FNBP4: variants seen among roughly 807,000 people sequenced by gnomAD.
FNBP4 encodes the protein formin-binding protein 4.
In FNBP4, 34 loss-of-function variants were observed where a neutral mutation model predicts 119.3. The ratio of observed to expected loss-of-function variants is 0.28; its 90% CI spans 0.22 to 0.38. The LOEUF (loss-of-function observed/expected upper bound fraction) is 0.38. Ranked by LOEUF, FNBP4 falls within the 10% of genes least tolerant of loss-of-function variation. The pLI is 1.00. For missense variants in FNBP4, 1,112 were observed against 1,228.9 expected (o/e 0.90, Z 1.42); for synonymous variants, 462 against 430.6 (o/e 1.07, Z -0.90).
intron 11 of FNBP4, chr11:47,731,889 C>G: frequency 9.7e-7 from 1 of 1,030,102 alleles, no homozygotes; most frequent in Non-Finnish European, 1.2e-6. Flanking sequence ...GACTCAATCG[C>G]CTAGAACACT....
intron 12 of FNBP4, chr11:47,729,733 C>G: frequency 4.1e-6 from 4 of 985,382 alleles, no homozygotes; most frequent in Non-Finnish European, 3.6e-6. Flanking sequence ...TTTGTTTTTT[C>G]TCTTCTTTAA....
At chr11:47,754,499 C>G (rs1207270815) in intron 3 of FNBP4, 29 bp downstream of exon 3, 1 of 1,608,078 alleles carries the variant, frequency 6.2e-7, no homozygotes, top group Admixed American at 1.7e-5. Flanking sequence ...GCTTCAGTAA[C>G]TAAAACTCCA....
In FNBP4 at chr11:47,717,228, C is replaced by T; in HGVS notation, c.*194G>A. 1 of 528,724 alleles carries T rather than the reference C, an allele frequency of 1.9e-6. No homozygotes were observed. The highest frequency in any genetic ancestry group is 2.7e-5 in the South Asian group (1 of 37,416). 32.8% of individuals were successfully genotyped at this position (528,724 alleles called of 1,614,324 possible). On this transcript the variant is annotated 3_prime_UTR_variant, in exon 17 of 17. Coordinates refer to ENST00000263773, the MANE Select transcript of FNBP4 (RefSeq NM_015308.5). ...GCAGCATGGTCAAAGCAATTCCAAT[C>T]ACCTCATCCCTTTGCAAAAACAGAA...
At chr11:47,766,100 T>C (rs1039880754) in intron 1 of FNBP4, among the ~76,000 whole-genome samples, 1 of 152,056 alleles carries the variant, frequency 6.6e-6, no homozygotes, top group African/African-American at 2.4e-5. Context: ...TAATGATCGC[T>C]TGAGCCCTGG....
chr11:47,743,970 G>A lies in FNBP4; in HGVS notation c.1439C>T (p.Pro480Leu). ...CAAATTACCAGTTTCTCCATTTTCT[G>A]GAGTATCTCGTCCAGTTTTACTAGA... is the stretch of plus-strand genomic sequence containing the variant. ...RSSSKTGRDT[P>L]ENGETAIGAE... Residue 480 changes from proline (P) to leucine (L), a missense_variant, in exon 8 of 17, where the codon CCA (proline) becomes CTA (leucine). Pro to Leu is a moderately conservative substitution (Grantham distance 98). Coordinates refer to ENST00000263773, the MANE Select transcript of FNBP4 (RefSeq NM_015308.5). The A allele has an allele frequency of 6.2e-7, 1 of 1,614,018 alleles. No individual in the cohort carries two copies. Among genetic ancestry groups the A allele is most frequent in the South Asian group, 1.1e-5 (1 of 91,072 alleles).
chr11:47,756,382 A>G (rs2097618249), intron 2 of FNBP4, among the ~76,000 whole-genome samples: 2 of 152,198 alleles, frequency 1.3e-5, no homozygotes, highest in African/African-American at 4.8e-5. Flanking sequence ...AGATTTATCG[A>G]AAGTTAAATC....
In FNBP4 at chr11:47,744,942, T is replaced by TGAATGGAAG. The variant is rs1565147394; in HGVS notation, c.1246-780_1246-779insCTTCCATTC. ...AGGGATCCTGAATGGAAGGACCAGC[T>TGAATGGAAG]GAAGCCATGGCAGAGGAACATAAAT... On this transcript the variant is annotated intron_variant, in intron 7 of 16. Coordinates refer to ENST00000263773, the MANE Select transcript of FNBP4 (RefSeq NM_015308.5). Among the ~76,000 whole-genome samples, 13 of 152,238 alleles carry TGAATGGAAG rather than the reference T, an allele frequency of 8.5e-5. 1 individual carries two copies. In the South Asian group the frequency reaches 2.7e-3, roughly 31 times the overall value.
chr11:47,754,753 T>A (rs1299920096), intron 2 of FNBP4, 89 bp from the exon 3 acceptor site: 7 of 1,424,428 alleles, frequency 4.9e-6, no homozygotes, highest in African/African-American at 1.4e-5. Context: ...ATGTTTTTTT[T>A]AAACTTACTT....
chr11:47,765,228 A>C (rs934556059), intron 2 of FNBP4, 42 bp downstream of exon 2: 13 of 1,346,466 alleles, frequency 9.7e-6, no homozygotes, highest in Non-Finnish European at 1.4e-5. Context: ...CTTTAATGAA[A>C]GACGTGGGAG....
chr11:47,722,568 A>C (rs1565119856), intron 15 of FNBP4, among the ~76,000 whole-genome samples: 1 of 151,818 alleles, frequency 6.6e-6, no homozygotes, highest in African/African-American at 2.4e-5. Context: ...CCCCCCACTG[A>C]GAAAGTAAGC....
At chr11:47,747,336 C>G (rs2097592522) in intron 6 of FNBP4, among the ~76,000 whole-genome samples, 3 of 152,184 alleles carry the variant, frequency 2.0e-5, no homozygotes, top group African/African-American at 7.2e-5. Flanking sequence ...TCCTGAGCAG[C>G]TGGGATTATA....
At chr11:47,743,609 A>G (rs1268747178) in intron 8 of FNBP4, among the ~76,000 whole-genome samples, 1 of 152,182 alleles carries the variant, frequency 6.6e-6, no homozygotes, top group African/African-American at 2.4e-5. Context: ...TGAATGAATG[A>G]TAAGGTCCTT....
rs545942510 is a variant in FNBP4 at position 47,732,163 on chromosome 11, C to G, written c.1820+374G>C. On this transcript the variant is annotated intron_variant, in intron 11 of 16. Coordinates refer to ENST00000263773, the MANE Select transcript of FNBP4 (RefSeq NM_015308.5). This position sits in a 1 kb window ranked among gnomAD's most constrained non-coding sequence, Gnocchi z 4.2. The stretch of plus-strand genomic sequence containing the variant: ...CTTGTTCTTCATTCACATCTTCAGC[C>G]ACGAAGTTTTCCTTAACTTCACCGA... 1 of 1,018,118 alleles carries G rather than the reference C, an allele frequency of 9.8e-7. No individual in the cohort carries two copies. Among genetic ancestry groups the G allele is most frequent in the Non-Finnish European group, 1.2e-6 (1 of 851,644 alleles). The allele number at this position is 1,018,118 out of a possible 1,614,324, so 63.1% of individuals were successfully genotyped here.
rs79683303 is a variant in FNBP4 at position 47,761,677 on chromosome 11, G to T, written c.313+3593C>A. On this transcript the variant is annotated intron_variant, in intron 2 of 16. Coordinates refer to ENST00000263773, the MANE Select transcript of FNBP4 (RefSeq NM_015308.5). ...TCACATCTATAATCCTAGCATTTTG[G>T]GAGGCCAAGGAAGGAGGATCACTTG... Among the ~76,000 whole-genome samples, 1,608 of 152,052 alleles carry T rather than the reference G, an allele frequency of 0.011. 208 individuals carry two copies. In the East Asian group the frequency reaches 0.25, roughly 24 times the overall value.
intron 2 of FNBP4, among the ~76,000 whole-genome samples, 188 bp downstream of exon 2, chr11:47,765,082 T>G (rs1358479570): frequency 6.6e-6 from 1 of 151,902 alleles, no homozygotes; most frequent in Non-Finnish European, 1.5e-5. Context: ...AAACAACAAA[T>G]TTTGCACTGG....
At chr11:47,721,111 G>A (rs1388257671) in intron 15 of FNBP4, among the ~76,000 whole-genome samples, 1 of 151,560 alleles carries the variant, frequency 6.6e-6, no homozygotes, top group Non-Finnish European at 1.5e-5. Context: ...CACGAGGTCA[G>A]GTGATCGAGA....
chr11:47,765,176 TA>T, intron 2 of FNBP4, 93 bp downstream of exon 2: 1 of 774,978 alleles, frequency 1.3e-6, no homozygotes, highest in Non-Finnish European at 2.2e-6. Context: ...TTAGCAACAC[TA>T]AAGCATTCAG....
intron 2 of FNBP4, among the ~76,000 whole-genome samples, chr11:47,759,695 G>A (rs1400841260): frequency 6.6e-6 from 1 of 151,822 alleles, no homozygotes; most frequent in Non-Finnish European, 1.5e-5. Flanking sequence ...GCTCATGCCT[G>A]TAATCCCAGC....
intron 9 of FNBP4, among the ~76,000 whole-genome samples, chr11:47,734,474 C>T (rs1788970567): frequency 6.6e-6 from 1 of 152,114 alleles, no homozygotes; most frequent in African/African-American, 2.4e-5. Flanking sequence ...GCCTTAGTCT[C>T]CCAAAGTGCT....
Sources: gnomAD v4.1 joint callset for allele counts (sites outside exome capture counted in the v4.1 genomes callset) on GRCh38, gnomAD v4.1.1 for gene constraint, Gnocchi (gnomAD v3.1) non-coding constraint, MANE v1.5 for transcripts, NCBI Gene and HGNC (gene_info 2026-07-23, HGNC 2026-07-21) for gene names.